Variants in GRM1 observed in about 807,000 individuals in gnomAD.
GRM1 encodes the protein metabotropic glutamate receptor 1.
In GRM1, 33 loss-of-function variants were observed where a neutral mutation model predicts 90.9. The observed-to-expected ratio is 0.36, with a 90% CI of 0.28 to 0.49. The LOEUF (loss-of-function observed/expected upper bound fraction) is 0.49, where lower values mean the gene tolerates loss of function less well. Among genes scored for constraint, GRM1 ranks in the 20% least tolerant of loss-of-function variants. The probability of loss-of-function intolerance (pLI) is 0.99; values close to 1 mark genes in which losing one functional copy is unlikely to be tolerated. For missense variants in GRM1, 1,190 were observed against 1,534.3 expected (o/e 0.78, Z 3.75); for synonymous variants, 700 against 613.2 (o/e 1.14, Z -2.09).
intron 3 of GRM1, among the ~76,000 whole-genome samples, chr6:146,317,192 T>C (rs1386950298): frequency 6.6e-6 from 1 of 152,244 alleles, no homozygotes; most frequent in Non-Finnish European, 1.5e-5. Context: ...GATATGGTTC[T>C]TGCCATTAAT....
chr6:146,255,677 T>C (rs948791742), intron 2 of GRM1, among the ~76,000 whole-genome samples: 2 of 152,202 alleles, frequency 1.3e-5, no homozygotes, highest in Non-Finnish European at 2.9e-5. Flanking sequence ...CCTTCTCTAC[T>C]GGCGAAATCA....
chr6:146,338,563 C>A (rs1266573258), intron 3 of GRM1, among the ~76,000 whole-genome samples: 1 of 152,210 alleles, frequency 6.6e-6, no homozygotes, highest in Admixed American at 6.5e-5. Flanking sequence ...GGACTGAACA[C>A]CATCTAGCAG....
At chr6:146,038,833 T>C (rs963267988) in intron 1 of GRM1, among the ~76,000 whole-genome samples, 1 of 151,934 alleles carries the variant, frequency 6.6e-6, no homozygotes, top group African/African-American at 2.4e-5. Context: ...AATAAACAAA[T>C]TGCTGATAGT....
intron 3 of GRM1, among the ~76,000 whole-genome samples, chr6:146,314,935 GCGT>G (rs1286945123): frequency 7.2e-5 from 11 of 152,122 alleles, no homozygotes; most frequent in Admixed American, 7.2e-4. Context: ...TCCAGTGACT[GCGT>G]TTCCGAAAAA....
intron 6 of GRM1, among the ~76,000 whole-genome samples, chr6:146,392,856 G>A (rs1776781927): frequency 6.6e-6 from 1 of 152,156 alleles, no homozygotes; most frequent in Non-Finnish European, 1.5e-5. Context: ...CCCTGCAAAG[G>A]ACATTAACTC....
intron 2 of GRM1, among the ~76,000 whole-genome samples, chr6:146,254,569 G>A (rs1361504575): frequency 2.0e-5 from 3 of 152,076 alleles, no homozygotes; most frequent in African/African-American, 7.2e-5. Context: ...ATATGTATAT[G>A]CATGTTTGTA....
At chr6:146,366,632 C>T (rs1482690538) in intron 5 of GRM1, among the ~76,000 whole-genome samples, 9 of 152,086 alleles carry the variant, frequency 5.9e-5, no homozygotes, top group Non-Finnish European at 1.0e-4. Flanking sequence ...AACATGATTT[C>T]CTCCAGGCTC....
At chr6:146,385,838 A>T (rs898911081) in intron 5 of GRM1, among the ~76,000 whole-genome samples, 2 of 152,150 alleles carry the variant, frequency 1.3e-5, no homozygotes, top group Non-Finnish European at 1.5e-5. Context: ...GGGTTCTTAC[A>T]TTATACATAA....
At chr6:146,159,720 G>T in intron 2 of GRM1, 123 bp downstream of exon 2, 6 of 897,580 alleles carry the variant, frequency 6.7e-6, no homozygotes, top group Non-Finnish European at 1.0e-5. Flanking sequence ...CTCCAAAGTG[G>T]GAGAGATGTG....
intron 1 of GRM1, among the ~76,000 whole-genome samples, chr6:146,148,513 T>C (rs901473836): frequency 6.6e-6 from 1 of 152,206 alleles, no homozygotes; most frequent in Middle Eastern, 3.2e-3. Context: ...TGAAAATGTT[T>C]GCATGCATTA....
chr6:146,275,376 A>G (rs1782316703), intron 2 of GRM1, among the ~76,000 whole-genome samples: 1 of 152,060 alleles, frequency 6.6e-6, no homozygotes, highest in Admixed American at 6.6e-5. Flanking sequence ...TGTACATGGG[A>G]CAGTTTGTAC....
intron 2 of GRM1, among the ~76,000 whole-genome samples, chr6:146,274,485 C>A (rs910352474): frequency 3.9e-5 from 6 of 152,212 alleles, no homozygotes; most frequent in South Asian, 4.1e-4. Flanking sequence ...CCAAAATATT[C>A]TCTGAGTAGG....
chr6:146,065,895 A>G (rs1775829036), intron 1 of GRM1, among the ~76,000 whole-genome samples: 1 of 152,150 alleles, frequency 6.6e-6, no homozygotes, highest in Non-Finnish European at 1.5e-5. Context: ...ATGTGGTTGT[A>G]TAAGTTCAGA....
chr6:146,422,441 G>A (rs1778029289), intron 7 of GRM1, among the ~76,000 whole-genome samples: 1 of 152,156 alleles, frequency 6.6e-6, no homozygotes, highest in Non-Finnish European at 1.5e-5. Context: ...TTTTGTCTGT[G>A]TCTTTATTTT....
intron 7 of GRM1, among the ~76,000 whole-genome samples, chr6:146,407,796 T>C (rs568877248): frequency 1.3e-5 from 2 of 152,198 alleles, no homozygotes; most frequent in Non-Finnish European, 2.9e-5. Context: ...ACCTCAATAA[T>C]GTATTTATTA....
intron 1 of GRM1, among the ~76,000 whole-genome samples, chr6:146,096,801 G>C (rs566803357): frequency 6.6e-6 from 1 of 151,898 alleles, no homozygotes; most frequent in African/African-American, 2.4e-5. Flanking sequence ...AGATAGTTTT[G>C]GTTCTCATAA....
At chr6:146,068,811 A>AAAAAAATT (rs1775937373) in intron 1 of GRM1, among the ~76,000 whole-genome samples, 1 of 152,214 alleles carries the variant, frequency 6.6e-6, no homozygotes, top group Admixed American at 6.5e-5. Context: ...TATCTGAACA[A>AAAAAAATT]AATAAAATTT....
At chr6:146,361,053 C>T (rs1775448256) in intron 5 of GRM1, among the ~76,000 whole-genome samples, 1 of 152,170 alleles carries the variant, frequency 6.6e-6, no homozygotes, top group African/African-American at 2.4e-5. Flanking sequence ...TTTATGCTCA[C>T]AGGAAGTTAC....
At chr6:146,095,591 G>A (rs1582995153) in intron 1 of GRM1, among the ~76,000 whole-genome samples, 1 of 152,020 alleles carries the variant, frequency 6.6e-6, no homozygotes, top group Middle Eastern at 3.4e-3. Flanking sequence ...CACTTATCAC[G>A]ACCTGCCTGG....
Sources: gnomAD v4.1 joint callset for allele counts (sites outside exome capture counted in the v4.1 genomes callset) on GRCh38, gnomAD v4.1.1 for gene constraint, MANE v1.5 for transcripts, NCBI Gene and HGNC (gene_info 2026-07-23, HGNC 2026-07-21) for gene names.